STAT1: variants seen among roughly 807,000 people sequenced by gnomAD.
The protein encoded by STAT1 is signal transducer and activator of transcription 1-alpha/beta.
STAT1 carries 24 observed loss-of-function variants against 111.7 expected under a neutral mutation model. That is an observed-to-expected ratio of 0.21 (90% confidence interval 0.16 to 0.30). STAT1 has a LOEUF of 0.30. Ranked by LOEUF, STAT1 falls within the 10% of genes least tolerant of loss-of-function variation. STAT1 has a pLI of 1.00. For synonymous variants in STAT1, 332 were observed against 326.5 expected, an observed-to-expected ratio of 1.02 and a Z score of -0.18; for missense variants, 351 against 911.9, an observed-to-expected ratio of 0.38 and a Z score of 7.92.
In STAT1 at chr2:190,973,268, A is replaced by C. The variant is rs976399637; in HGVS notation, c.2238+1562T>G. 3.3e-5 allele frequency among the ~76,000 whole-genome samples: 5 copies of C among 152,190 alleles called. No homozygotes were observed. Among genetic ancestry groups the C allele is most frequent in the African/African-American group, 9.7e-5 (4 of 41,438 alleles). Reference sequence around the variant, plus strand: ...TCCAGGATACCGGACAAAAGCATGCACTAGAGACTCACTAGGTAGATTCAA... The same window carrying C: ...TCCAGGATACCGGACAAAAGCATGCCCTAGAGACTCACTAGGTAGATTCAA... On this transcript the variant is annotated intron_variant, in intron 24 of 24. Coordinates refer to ENST00000361099, the MANE Select transcript of STAT1 (RefSeq NM_007315.4). The surrounding 1 kb of genome is among the most constrained non-coding windows in gnomAD (Gnocchi z 4.4).
chr2:190,988,828 T>C (rs1462496717), intron 12 of STAT1, among the ~76,000 whole-genome samples: 1 of 151,044 alleles, frequency 6.6e-6, no homozygotes, highest in Non-Finnish European at 1.5e-5. Context: ...AGGAAAATGA[T>C]CTGAATGATC....
chr2:190,984,328 A>G lies in STAT1; in HGVS notation c.1329T>C (p.Gly443=). The stretch of plus-strand genomic sequence containing the variant: ...GTCTTACCTCGAGGTCAATTACCAA[A>G]CCAGGCTGGCACAATTGGGTTTCAA... ...LSFETQLCQP[G]LVIDLETTSL... The change falls in exon 16 of 25, where the codon GGT becomes GGC. Residue 443 remains glycine, a synonymous_variant. Transcript: ENST00000361099. The surrounding 1 kb of genome is among the most constrained non-coding windows in gnomAD (Gnocchi z 5.2). 6.2e-7 allele frequency: 1 copy of G among 1,614,154 alleles called. No individual in the cohort carries two copies. Among genetic ancestry groups the G allele is most frequent in the Non-Finnish European group, 8.5e-7 (1 of 1,179,974 alleles).
In STAT1 at chr2:190,973,139, T is replaced by C. The variant is rs1371928737; in HGVS notation, c.2238+1691A>G. Among the ~76,000 whole-genome samples, 1 of 152,122 alleles carries C rather than the reference T, an allele frequency of 6.6e-6. No homozygotes were observed. Among genetic ancestry groups the C allele is most frequent in the East Asian group, 1.9e-4 (1 of 5,192 alleles). ...ATACGGGCCTCTCACCCAAAGGCCA[T>C]GATGCCTTTGTCTTAATAACAGAAT... On this transcript the variant is annotated intron_variant, in intron 24 of 24. Coordinates refer to ENST00000361099, the MANE Select transcript of STAT1 (RefSeq NM_007315.4). The surrounding 1 kb of genome is among the most constrained non-coding windows in gnomAD (Gnocchi z 4.4).
chr2:190,975,703 G>A lies in STAT1; in HGVS notation c.2135+109C>T, dbSNP rs575057281. On this transcript the variant is annotated intron_variant, in intron 23 of 24. Coordinates refer to ENST00000361099, the MANE Select transcript of STAT1 (RefSeq NM_007315.4). The surrounding 1 kb of genome is among the most constrained non-coding windows in gnomAD (Gnocchi z 5.9). The stretch of plus-strand genomic sequence containing the variant: ...TCTCAACAAGTTCAGCTGTGATGGC[G>A]ATAGCAATTACAATGGAAAAGTAAA... The A allele has an allele frequency of 9.0e-6, 14 of 1,551,584 alleles. No individual in the cohort carries two copies. Among genetic ancestry groups the A allele is most frequent in the South Asian group, 7.1e-5 (6 of 84,896 alleles).
chr2:190,997,080 C>T lies in STAT1; in HGVS notation c.785+776G>A, dbSNP rs114492645. On this transcript the variant is annotated intron_variant, in intron 9 of 24. Transcript: ENST00000361099. This position sits in a 1 kb window ranked among gnomAD's most constrained non-coding sequence, Gnocchi z 7.3. ...GCTCCAGCATCTCCCACCGGGTCCACTTTCCTTCCCATCTCCCTGGACACC... is the reference window on the plus strand; with the variant it reads ...GCTCCAGCATCTCCCACCGGGTCCATTTTCCTTCCCATCTCCCTGGACACC... Among the ~76,000 whole-genome samples, 553 of 152,354 alleles carry T rather than the reference C, an allele frequency of 3.6e-3. 4 individuals carry two copies. Among genetic ancestry groups the T allele is most frequent in the African/African-American group, 0.012 (517 of 41,580 alleles).
Position 190,986,725 on chromosome 2 carries a change from C to T in STAT1, c.1221+129G>A, listed in dbSNP as rs534678041. Reference sequence around the variant, plus strand: ...CCCAAGTACTGGCGACAGGAAGACACCAGCCACAAAGTCTACAAACCCCAG... The same window carrying T: ...CCCAAGTACTGGCGACAGGAAGACATCAGCCACAAAGTCTACAAACCCCAG... On this transcript the variant is annotated intron_variant, in intron 14 of 24. Coordinates refer to ENST00000361099, the MANE Select transcript of STAT1 (RefSeq NM_007315.4). This position sits in a 1 kb window ranked among gnomAD's most constrained non-coding sequence, Gnocchi z 5.0. 10 of 886,402 alleles carry T rather than the reference C, an allele frequency of 1.1e-5. No homozygotes were observed. The Admixed American group carries it at 1.5e-4, about 13-fold the overall frequency. The allele number at this position is 886,402 out of a possible 1,614,324, so 54.9% of individuals were successfully genotyped here.
chr2:191,009,282 C>G (rs112938007), intron 3 of STAT1, among the ~76,000 whole-genome samples, 175 bp from the exon 4 acceptor site: 1 of 151,988 alleles, frequency 6.6e-6, no homozygotes, highest in South Asian at 2.1e-4. Flanking sequence ...TGTGGTATTT[C>G]TCTTATGTGC....
At chr2:190,994,246 C>T (rs528883841) in intron 10 of STAT1, among the ~76,000 whole-genome samples, 2 of 152,200 alleles carry the variant, frequency 1.3e-5, no homozygotes, top group Non-Finnish European at 1.5e-5. Flanking sequence ...TAGAAAGGGG[C>T]GTGTGTGGAC....
chr2:191,011,805 A>C (rs1695144350), intron 2 of STAT1, among the ~76,000 whole-genome samples: 1 of 152,082 alleles, frequency 6.6e-6, no homozygotes, highest in Non-Finnish European at 1.5e-5. Flanking sequence ...GCCATGCAGA[A>C]CTGTGAGTCA....
In STAT1 at chr2:191,000,157, C is replaced by T. The variant is rs1208525309; in HGVS notation, c.463-453G>A. Among the ~76,000 whole-genome samples the T allele has an allele frequency of 5.3e-5, 8 of 152,222 alleles. No homozygotes were observed. The highest frequency in any genetic ancestry group is 1.9e-4 in the African/African-American group (8 of 41,454). On this transcript the variant is annotated intron_variant, in intron 6 of 24. Coordinates refer to ENST00000361099, the MANE Select transcript of STAT1 (RefSeq NM_007315.4). The surrounding 1 kb of genome is among the most constrained non-coding windows in gnomAD (Gnocchi z 4.8). ...GTTTCATACTTGCTGTAATTATAAA[C>T]AGTGCCCTCTTGGCGGCTCAAATGC...
intron 24 of STAT1, among the ~76,000 whole-genome samples, chr2:190,972,698 C>T (rs1425515906): frequency 6.6e-6 from 1 of 151,470 alleles, no homozygotes; most frequent in Admixed American, 6.6e-5. Context: ...TAACCAGTGC[C>T]GTGCCTATAT....
Position 190,979,789 on chromosome 2 carries a change from G to A in STAT1, c.1710C>T (p.Leu570=). Residue 570 remains leucine (L), a synonymous_variant, in exon 20 of 25, where the codon CTC becomes CTT. Transcript: ENST00000361099. This position sits in a 1 kb window ranked among gnomAD's most constrained non-coding sequence, Gnocchi z 5.8. ...GCCCTTACCCATCATTCCAGAGAGG[G>A]AGCAGGTGTTTTTTAATGAGTTCTA... is the stretch of plus-strand genomic sequence containing the variant. The part of the protein sequence containing the change: ...SILELIKKHL[L]PLWNDGCIMG... The A allele has an allele frequency of 6.2e-7, 1 of 1,613,462 alleles. No homozygotes were observed. Among genetic ancestry groups the A allele is most frequent in the Non-Finnish European group, 8.5e-7 (1 of 1,179,422 alleles).
Position 191,003,737 on chromosome 2 carries a change from TA to T in STAT1, c.373-2575del, listed in dbSNP as rs1694459865. On this transcript the variant is annotated intron_variant, in intron 5 of 24. Transcript: ENST00000361099. The surrounding 1 kb of genome is among the most constrained non-coding windows in gnomAD (Gnocchi z 4.0). ...TAAGTCAATTAAACCTCTTTTCTTA[TA>T]AATTACCCAGTCTCAGGTATTTCTT... is the stretch of plus-strand genomic sequence containing the variant. 6.6e-6 allele frequency among the ~76,000 whole-genome samples: 1 copy of T among 152,206 alleles called. No individual in the cohort carries two copies.
rs1212997431 is a variant in STAT1 at position 190,981,157 on chromosome 2, A to G, written c.1583-488T>C. On this transcript the variant is annotated intron_variant, in intron 18 of 24. Coordinates refer to ENST00000361099, the MANE Select transcript of STAT1 (RefSeq NM_007315.4). This position sits in a 1 kb window ranked among gnomAD's most constrained non-coding sequence, Gnocchi z 4.1. The stretch of plus-strand genomic sequence containing the variant: ...CTGGGCCTCCTAGAGAAGCCTCCCT[A>G]TCCAGTGCCTCTTCCCACTGCCTTC... Among the ~76,000 whole-genome samples the G allele has an allele frequency of 6.6e-6, 1 of 152,066 alleles. No individual in the cohort carries two copies. Among genetic ancestry groups the G allele is most frequent in the African/African-American group, 2.4e-5 (1 of 41,398 alleles).
At position 190,975,786 on chromosome 2, in the gene STAT1, C is replaced by T. The variant is rs1211217813; in HGVS notation, c.2135+26G>A. 6.2e-7 allele frequency: 1 copy of T among 1,614,012 alleles called. No homozygotes were observed. Among genetic ancestry groups the T allele is most frequent in the Non-Finnish European group, 8.5e-7 (1 of 1,179,966 alleles). On this transcript the variant is annotated intron_variant, in intron 23 of 24. Coordinates refer to ENST00000361099, the MANE Select transcript of STAT1 (RefSeq NM_007315.4). The surrounding 1 kb of genome is among the most constrained non-coding windows in gnomAD (Gnocchi z 5.9). ...GCAAGGCTGGCTTGAGGTTTGTAAA[C>T]ATGTCACTCTTCTGTGTTCACTTAC...
chr2:190,989,529 T>G lies in STAT1; in HGVS notation c.1097+86A>C. 6 of 937,964 alleles carry G rather than the reference T, an allele frequency of 6.4e-6. No individual in the cohort carries two copies. The highest frequency in any genetic ancestry group is 9.9e-6 in the Non-Finnish European group (6 of 607,996). The allele number at this position is 937,964 out of a possible 1,614,324, so 58.1% of individuals were successfully genotyped here. On this transcript the variant is annotated intron_variant, in intron 12 of 24. Transcript: ENST00000361099. The surrounding 1 kb of genome is among the most constrained non-coding windows in gnomAD (Gnocchi z 5.0). ...GACCCTTCCACAGCTAGAAATCTGC[T>G]TATTTAGTGGAGGAATCTGTGCTTG...
At position 190,969,670 on chromosome 2, in the gene STAT1, G is replaced by C. The variant is rs1005462562; in HGVS notation, c.*1033C>G. On this transcript the variant is annotated 3_prime_UTR_variant, in exon 25 of 25. Transcript: ENST00000361099. ...TGCAGTTCTCAATGCAGTTACATAG[G>C]AAATGAGTTTTGAAATGATCTGATT... 1.3e-5 allele frequency: 2 copies of C among 152,190 alleles called. No individual in the cohort carries two copies. The highest frequency in any genetic ancestry group is 6.5e-5 in the Admixed American group (1 of 15,284). The allele number at this position is 152,190 out of a possible 1,614,324, so 9.4% of individuals were successfully genotyped here.
rs769620703 is a variant in STAT1, at chr2:190,980,590, TAG to T, written c.1632+28_1632+29del. 1.9e-6 allele frequency: 3 copies of T among 1,611,738 alleles called. No homozygotes were observed. The highest frequency in any genetic ancestry group is 2.7e-5 in the African/African-American group (2 of 74,842). On this transcript the variant is annotated intron_variant, in intron 19 of 24. Transcript: ENST00000361099. This position sits in a 1 kb window ranked among gnomAD's most constrained non-coding sequence, Gnocchi z 6.1. Reference sequence around the variant, plus strand: ...ACCTCAACCAAGAGCAAAAAGGACTTAGAGAGCATAAAACCCAGACAGTCCTC... The same window carrying T: ...ACCTCAACCAAGAGCAAAAAGGACTTAGAGCATAAAACCCAGACAGTCCTC...
rs1243375266 is a variant in STAT1, at chr2:191,001,082, T to C, written c.454A>G (p.Lys152Glu). The C allele has an allele frequency of 1.2e-6, 2 of 1,612,700 alleles. No homozygotes were observed. ...LDSKVRNVKD[K>E]VMCIEHEIKS... ...GTTTACTCAATACTCACCATAACCTTGTCCTTCACATTTCTGACTTTACTG... is the reference window on the plus strand; with the variant it reads ...GTTTACTCAATACTCACCATAACCTCGTCCTTCACATTTCTGACTTTACTG... The change falls in exon 6 of 25, where the codon AAG becomes GAG. Residue 152 changes from lysine to glutamate, a missense_variant. Coordinates refer to ENST00000361099, the MANE Select transcript of STAT1 (RefSeq NM_007315.4).
Sources: allele counts gnomAD v4.1 joint callset (sites outside exome capture counted in the v4.1 genomes callset), GRCh38; gene constraint gnomAD v4.1.1; non-coding constraint Gnocchi (gnomAD v3.1); transcripts MANE v1.5; gene names NCBI Gene and HGNC (gene_info 2026-07-23, HGNC 2026-07-21).